USP6NL: variants seen among roughly 807,000 people sequenced by gnomAD.
USP6NL encodes USP6 N-terminal-like protein.
Under a neutral mutation model 61.9 loss-of-function variants are expected in USP6NL, and 26 were observed. The ratio of observed to expected loss-of-function variants is 0.42; its 90% confidence interval spans 0.31 to 0.58. The LOEUF (loss-of-function observed/expected upper bound fraction) is 0.58. Among genes scored for constraint, USP6NL ranks in the 20% least tolerant of loss-of-function variants. The probability of loss-of-function intolerance (pLI) is 0.16; values close to 1 mark genes in which losing one functional copy is unlikely to be tolerated. For missense variants in USP6NL, 1,114 were observed against 1,034.3 expected, an observed-to-expected ratio of 1.08 and a Z score of -1.06; for synonymous variants, 432 against 390.1, an observed-to-expected ratio of 1.11 and a Z score of -1.27.
chr10:11,555,844 T>C (rs1836689879), intron 2 of USP6NL, among the ~76,000 whole-genome samples: 2 of 152,174 alleles, frequency 1.3e-5, no homozygotes, highest in Non-Finnish European at 2.9e-5. Context: ...AGTCAGAAGA[T>C]AATGAAATTA....
chr10:11,521,761 G>A (rs1341017474), intron 4 of USP6NL, among the ~76,000 whole-genome samples: 6 of 152,184 alleles, frequency 3.9e-5, no homozygotes, highest in Non-Finnish European at 8.8e-5. Context: ...AAACTACAGA[G>A]AGTCTGCTTT....
rs1835889331 is a variant in USP6NL, at chr10:11,537,769, A to T, written c.5-10202T>A. 6.6e-6 allele frequency among the ~76,000 whole-genome samples: 1 copy of T among 152,164 alleles called. No homozygotes were observed. The highest frequency in any genetic ancestry group is 6.5e-5 in the Admixed American group (1 of 15,278). On this transcript the variant is annotated intron_variant, in intron 2 of 14. Coordinates refer to ENST00000609104, the MANE Select transcript of USP6NL (RefSeq NM_014688.5). The surrounding 1 kb of genome is among the most constrained non-coding windows in gnomAD (Gnocchi z 5.1). ...TGAGCACTGCCGGGGTGGAAGGACCAGGCACACACACTGCACCTGCTGGCC... is the reference window on the plus strand; with the variant it reads ...TGAGCACTGCCGGGGTGGAAGGACCTGGCACACACACTGCACCTGCTGGCC...
chr10:11,493,302 T>C (rs1197306891), intron 7 of USP6NL, 74 bp from the exon 8 acceptor site: 3 of 1,313,356 alleles, frequency 2.3e-6, no homozygotes, highest in Non-Finnish European at 2.1e-6. Flanking sequence ...CAAATAATAA[T>C]TCTCATTAAA....
At chr10:11,541,242 T>C (rs1461052138) in intron 2 of USP6NL, among the ~76,000 whole-genome samples, 2 of 113,728 alleles carry the variant, frequency 1.8e-5, no homozygotes, top group African/African-American at 6.8e-5. Flanking sequence ...TATATATATA[T>C]ATATATATAT....
intron 2 of USP6NL, among the ~76,000 whole-genome samples, chr10:11,586,792 C>A (rs1837982356): frequency 4.0e-5 from 2 of 50,152 alleles, no homozygotes; most frequent in South Asian, 9.3e-4. Flanking sequence ...GAGTACTTGC[C>A]TAAACTAAAC....
Position 11,598,469 on chromosome 10 carries a change from CCTTT to C in USP6NL, c.-83-756_-83-753del, listed in dbSNP as rs2133668609. Among the ~76,000 whole-genome samples the C allele has an allele frequency of 6.6e-6, 1 of 152,234 alleles. No individual in the cohort carries two copies. The highest frequency in any genetic ancestry group is 2.1e-4 in the South Asian group (1 of 4,830). ...TGCTAAGATTTACTTTATAAATCTT[CCTTT>C]CTTAATTACTGTATTTCTAAAATAT... is the stretch of plus-strand genomic sequence containing the variant. On this transcript the variant is annotated intron_variant, in intron 1 of 14. Coordinates refer to ENST00000609104, the MANE Select transcript of USP6NL (RefSeq NM_014688.5). The surrounding 1 kb of genome is among the most constrained non-coding windows in gnomAD (Gnocchi z 4.7).
chr10:11,534,331 T>A (rs145529371), intron 2 of USP6NL, among the ~76,000 whole-genome samples: 186 of 152,336 alleles, frequency 1.2e-3, no homozygotes, highest in African/African-American at 4.3e-3. Flanking sequence ...AAAGTCCACT[T>A]TCCCTTTTTA....
chr10:11,498,163 G>A (rs1424055909), intron 7 of USP6NL, among the ~76,000 whole-genome samples: 1 of 143,094 alleles, frequency 7.0e-6, no homozygotes, highest in African/African-American at 2.6e-5. Context: ...TTGAACCTAG[G>A]AGGTGGAGGT....
chr10:11,555,238 A>T (rs1836646968), intron 2 of USP6NL, among the ~76,000 whole-genome samples: 1 of 147,354 alleles, frequency 6.8e-6, no homozygotes, highest in Non-Finnish European at 1.5e-5. Flanking sequence ...CAACATGGCA[A>T]AACCGCGTCT....
intron 1 of USP6NL, among the ~76,000 whole-genome samples, chr10:11,603,383 G>A (rs931572229): frequency 3.3e-5 from 5 of 152,150 alleles, no homozygotes; most frequent in Non-Finnish European, 5.9e-5. Flanking sequence ...AGTTTACATG[G>A]TATATGTGCC....
rs1566103991 is a variant in USP6NL, at chr10:11,460,655, A to ATATATATAT, written c.*1785_*1786insATATATATA. The ATATATATAT allele has an allele frequency of 3.9e-5, 5 of 127,268 alleles. No homozygotes were observed. The highest frequency in any genetic ancestry group is 6.1e-5 in the African/African-American group (2 of 32,536). 7.9% of individuals were successfully genotyped at this position (127,268 alleles called of 1,614,324 possible). A position where few individuals can be genotyped will look rare whatever the true frequency, so the allele number is the denominator to read the frequency against. On this transcript the variant is annotated 3_prime_UTR_variant, in exon 15 of 15. Transcript: ENST00000609104. ...TATATATATATATATATATATATAT[A>ATATATATAT]AAAATCTACAGTATTTACCACTGTT...
chr10:11,588,079 C>T (rs1252866957), intron 2 of USP6NL, among the ~76,000 whole-genome samples: 3 of 152,212 alleles, frequency 2.0e-5, no homozygotes, highest in Non-Finnish European at 1.5e-5. Context: ...GATCCCATTA[C>T]AGGAACCCTC....
chr10:11,555,415 T>TAAAAAAAAAAA (rs558901276), intron 2 of USP6NL, among the ~76,000 whole-genome samples: 10 of 26,862 alleles, frequency 3.7e-4, no homozygotes, highest in South Asian at 2.7e-3. Flanking sequence ...AACTCGGTCT[T>TAAAAAAAAAAA]AAAAAAAAAA....
At position 11,495,535 on chromosome 10, in the gene USP6NL, A is replaced by C. The variant is rs1833885320; in HGVS notation, c.385-2307T>G. Among the ~76,000 whole-genome samples, 2 of 151,940 alleles carry C rather than the reference A, an allele frequency of 1.3e-5. No homozygotes were observed. The highest frequency in any genetic ancestry group is 2.9e-5 in the Non-Finnish European group (2 of 67,976). On this transcript the variant is annotated intron_variant, in intron 7 of 14. Transcript: ENST00000609104. The surrounding 1 kb of genome is among the most constrained non-coding windows in gnomAD (Gnocchi z 4.6). ...TTCTTGTATTTTTCTGTATTATTTT[A>C]CATCTCTTTGCTTTTATAACTGACA...
At position 11,540,286 on chromosome 10, in the gene USP6NL, C is replaced by G. The variant is rs1835995666; in HGVS notation, c.5-12719G>C. Among the ~76,000 whole-genome samples the G allele has an allele frequency of 6.6e-6, 1 of 152,136 alleles. No individual in the cohort carries two copies. The highest frequency in any genetic ancestry group is 2.4e-5 in the African/African-American group (1 of 41,428). On this transcript the variant is annotated intron_variant, in intron 2 of 14. Transcript: ENST00000609104. The surrounding 1 kb of genome is among the most constrained non-coding windows in gnomAD (Gnocchi z 5.0). Reference sequence around the variant, plus strand: ...TCTTTGTGGTCATAATCAACTGGACCTGCTATATTATGTTTTAAGTTGTGT... The same window carrying G: ...TCTTTGTGGTCATAATCAACTGGACGTGCTATATTATGTTTTAAGTTGTGT...
rs1835492083 is a variant in USP6NL at position 11,528,112 on chromosome 10, T to G, written c.5-545A>C. 6.8e-6 allele frequency among the ~76,000 whole-genome samples: 1 copy of G among 147,794 alleles called. No homozygotes were observed. On this transcript the variant is annotated intron_variant, in intron 2 of 14. Transcript: ENST00000609104. The surrounding 1 kb of genome is among the most constrained non-coding windows in gnomAD (Gnocchi z 4.6). Reference sequence around the variant, plus strand: ...ACTCCAGTTTTATCATACATATGTGTGTGGACACACACACAGACACACACA... The same window carrying G: ...ACTCCAGTTTTATCATACATATGTGGGTGGACACACACACAGACACACACA...
rs988552414 is a variant in USP6NL at position 11,487,305 on chromosome 10, T to C, written c.665-1394A>G. On this transcript the variant is annotated intron_variant, in intron 10 of 14. Transcript: ENST00000609104. This position sits in a 1 kb window ranked among gnomAD's most constrained non-coding sequence, Gnocchi z 4.2. ...CACCTTCACACTAGAAAGTAACCTT[T>C]AGTTATAAAATTTCATAGGCAGACA... Among the ~76,000 whole-genome samples, 1 of 152,200 alleles carries C rather than the reference T, an allele frequency of 6.6e-6. No individual in the cohort carries two copies. Among genetic ancestry groups the C allele is most frequent in the Non-Finnish European group, 1.5e-5 (1 of 68,032 alleles).
At chr10:11,542,822 G>A (rs376225662) in intron 2 of USP6NL, among the ~76,000 whole-genome samples, 13 of 152,272 alleles carry the variant, frequency 8.5e-5, no homozygotes, top group African/African-American at 2.9e-4. Flanking sequence ...CCCAGCAACA[G>A]GAATGGCTAT....
chr10:11,585,415 T>C lies in USP6NL; in HGVS notation c.4+12216A>G, dbSNP rs1566199909. On this transcript the variant is annotated intron_variant, in intron 2 of 14. Coordinates refer to ENST00000609104, the MANE Select transcript of USP6NL (RefSeq NM_014688.5). The surrounding 1 kb of genome is among the most constrained non-coding windows in gnomAD (Gnocchi z 4.5). ...TGTACACCCATGGTTCACAGCAGCATAATTCGCAACAGCCAAAAGGTGGAA... is the reference window on the plus strand; with the variant it reads ...TGTACACCCATGGTTCACAGCAGCACAATTCGCAACAGCCAAAAGGTGGAA... 6.6e-6 allele frequency among the ~76,000 whole-genome samples: 1 copy of C among 152,184 alleles called. No individual in the cohort carries two copies. The highest frequency in any genetic ancestry group is 1.5e-5 in the Non-Finnish European group (1 of 68,034).
Sources: gnomAD v4.1 joint callset for allele counts (sites outside exome capture counted in the v4.1 genomes callset) on GRCh38, gnomAD v4.1.1 for gene constraint, Gnocchi (gnomAD v3.1) non-coding constraint, MANE v1.5 for transcripts, NCBI Gene and HGNC (gene_info 2026-07-23, HGNC 2026-07-21) for gene names.